ACTR3C: variants seen among roughly 807,000 people sequenced by gnomAD.
ACTR3C encodes the protein actin-related protein 3C.
In ACTR3C, 18 loss-of-function variants were observed where a neutral mutation model predicts 26.3. That is an observed-to-expected ratio of 0.68 (90% CI 0.47 to 1.01). The LOEUF (loss-of-function observed/expected upper bound fraction) is 1.01. ACTR3C is among the 50% of genes least tolerant of loss of function. The probability of loss-of-function intolerance (pLI) is 0.00; values close to 1 mark genes in which losing one functional copy is unlikely to be tolerated. For synonymous variants in ACTR3C, 55 were observed against 94.5 expected (o/e 0.58, Z 2.42); for missense variants, 184 against 250.7 (o/e 0.73, Z 1.80).
chr7:150,044,134 T>TA, the ACTR3C span, among the ~76,000 whole-genome samples: 1 of 152,010 alleles, frequency 6.6e-6, no homozygotes, highest in Non-Finnish European at 1.5e-5. Context: ...TGTATAACCT[T>TA]AAAAAAACTA....
chr7:150,267,734 T>C (rs1239851526), intron 6 of ACTR3C, among the ~76,000 whole-genome samples: 1 of 152,172 alleles, frequency 6.6e-6, no homozygotes, highest in Non-Finnish European at 1.5e-5. Context: ...AACCATCCAC[T>C]GGGGGTCTTG....
chr7:150,230,526 CT>C, the ACTR3C span, among the ~76,000 whole-genome samples: 1 of 152,054 alleles, frequency 6.6e-6, no homozygotes, highest in African/African-American at 2.4e-5. Context: ...TGAGCTCCCC[CT>C]CCCATCAAAT....
At chr7:150,308,181 A>AC (rs1177817898) in intron 1 of ACTR3C, among the ~76,000 whole-genome samples, 1 of 151,006 alleles carries the variant, frequency 6.6e-6, no homozygotes, top group Non-Finnish European at 1.5e-5. Context: ...GGCAAGTACC[A>AC]CCCCCCTCTC....
At chr7:150,273,569 T>C (rs900425032) in intron 6 of ACTR3C, among the ~76,000 whole-genome samples, 1 of 150,602 alleles carries the variant, frequency 6.6e-6, no homozygotes, top group African/African-American at 2.5e-5. Context: ...GCACCCAGCT[T>C]AACATGACTT....
At position 150,257,578 on chromosome 7, in the gene ACTR3C, G is replaced by A. The variant is rs557839034; in HGVS notation, c.565-8524C>T. ...AAGAGTTGAATGAATTAGCTGTTTT[G>A]TATGAGCAGGAACCAGAGGAGCACT... is the stretch of plus-strand genomic sequence containing the variant. On this transcript the variant is annotated intron_variant, in intron 6 of 7. Transcript: ENST00000683684. Among the ~76,000 whole-genome samples the A allele has an allele frequency of 6.1e-4, 93 of 152,314 alleles. No individual in the cohort carries two copies. The South Asian group carries it at 0.018, about 30-fold the overall frequency.
chr7:149,990,591 T>C, the ACTR3C span, among the ~76,000 whole-genome samples: 2 of 133,930 alleles, frequency 1.5e-5, no homozygotes, highest in Admixed American at 1.6e-4. Flanking sequence ...CTTAAGAAAC[T>C]GAGCCCCTCA....
chr7:149,922,970 C>CTTTTTTTTTTTT, the ACTR3C span, among the ~76,000 whole-genome samples: 584 of 69,152 alleles, frequency 8.4e-3, 82 homozygotes, highest in Non-Finnish European at 1.0e-2. Flanking sequence ...AAATAAAAGG[C>CTTTTTTTTTTTT]TTTTTTTTTT....
chr7:150,134,781 G>A, the ACTR3C span, among the ~76,000 whole-genome samples: 1 of 152,268 alleles, frequency 6.6e-6, no homozygotes, highest in East Asian at 1.9e-4. Context: ...CTTCTTTAGA[G>A]TTCTGGCCAA....
At chr7:150,107,622 T>C in the ACTR3C span, among the ~76,000 whole-genome samples, 2 of 151,912 alleles carry the variant, frequency 1.3e-5, no homozygotes, top group Non-Finnish European at 2.9e-5. Context: ...TCATATTTAG[T>C]AGAAGGATAA....
chr7:150,001,046 C>G, the ACTR3C span: 1 of 152,482 alleles, frequency 6.6e-6, no homozygotes. Context: ...GCGCCAGAGC[C>G]GTGAGCATCA....
the ACTR3C span, among the ~76,000 whole-genome samples, chr7:150,193,492 T>G: frequency 6.6e-6 from 1 of 151,408 alleles, no homozygotes; most frequent in African/African-American, 2.4e-5. Flanking sequence ...TCCTCTTGTT[T>G]CTTAAGAGGG....
the ACTR3C span, among the ~76,000 whole-genome samples, chr7:150,041,721 C>G: frequency 2.0e-5 from 3 of 146,364 alleles, no homozygotes; most frequent in East Asian, 2.1e-4. Context: ...GGGGTGCCTC[C>G]CCCTCCTGCG....
the ACTR3C span, among the ~76,000 whole-genome samples, chr7:150,066,198 A>AT: frequency 4.5e-3 from 681 of 152,272 alleles, 5 homozygotes; most frequent in African/African-American, 0.016. Context: ...AGACCCATAC[A>AT]TTGCTTCAGG....
Position 150,252,525 on chromosome 7 carries a change from A to G in ACTR3C, c.565-3471T>C, listed in dbSNP as rs181943096. ...GGGCTGTTTATTTCAGGAAGAATAC[A>G]TGATACTAAGCATACCAGAGACATT... On this transcript the variant is annotated intron_variant, in intron 6 of 7. Coordinates refer to ENST00000683684, the MANE Select transcript of ACTR3C (RefSeq NM_001164458.2). Among the ~76,000 whole-genome samples, 4 of 152,342 alleles carry G rather than the reference A, an allele frequency of 2.6e-5. No individual in the cohort carries two copies. In the East Asian group the frequency reaches 7.7e-4, roughly 29 times the overall value.
the ACTR3C span, among the ~76,000 whole-genome samples, chr7:150,048,383 G>T: frequency 6.7e-6 from 1 of 150,220 alleles, no homozygotes; most frequent in Non-Finnish European, 1.5e-5. Flanking sequence ...CGCCTGGGTG[G>T]CAGGGGTTGG....
chr7:150,242,022 C>T (rs1181422880), downstream of ACTR3C, among the ~76,000 whole-genome samples: 1 of 152,076 alleles, frequency 6.6e-6, no homozygotes, highest in African/African-American at 2.4e-5. Context: ...TCAAAACCAG[C>T]CTGACCAACA....
At chr7:150,159,212 G>A in the ACTR3C span, among the ~76,000 whole-genome samples, 1 of 152,086 alleles carries the variant, frequency 6.6e-6, no homozygotes, top group Non-Finnish European at 1.5e-5. Context: ...GGAGCCAGTG[G>A]GAAGCCTGTT....
the ACTR3C span, among the ~76,000 whole-genome samples, chr7:150,035,223 CCAT>C: frequency 9.2e-6 from 1 of 108,320 alleles, no homozygotes; most frequent in African/African-American, 3.8e-5. Flanking sequence ...CCCACCTCTG[CCAT>C]GGGGGTCCTA....
At chr7:149,975,489 C>T in the ACTR3C span, among the ~76,000 whole-genome samples, 49 of 151,776 alleles carry the variant, frequency 3.2e-4, no homozygotes, top group African/African-American at 1.1e-3. Context: ...CTCTGCCTTA[C>T]GAAACTAGCA....
Sources: allele counts gnomAD v4.1 joint callset (sites outside exome capture counted in the v4.1 genomes callset), GRCh38; gene constraint gnomAD v4.1.1; transcripts MANE v1.5; gene names NCBI Gene and HGNC (gene_info 2026-07-23, HGNC 2026-07-21).